PCDH7: variants seen among roughly 807,000 people sequenced by gnomAD.
PCDH7 encodes protocadherin 7.
Under a neutral mutation model 58.9 loss-of-function variants are expected in PCDH7, and 17 were observed. That is an observed-to-expected ratio of 0.29 (90% confidence interval 0.20 to 0.43). PCDH7 has a LOEUF of 0.43. PCDH7 is among the 20% of genes least tolerant of loss of function. The probability of loss-of-function intolerance (pLI) is 1.00; values close to 1 mark genes in which losing one functional copy is unlikely to be tolerated. For missense variants in PCDH7, 1,274 were observed against 1,441.0 expected (o/e 0.88, Z 1.88); for synonymous variants, 664 against 616.4 (o/e 1.08, Z -1.14).
chr4:30,809,127 T>A (rs1199918919), intron 1 of PCDH7, among the ~76,000 whole-genome samples: 2 of 152,214 alleles, frequency 1.3e-5, no homozygotes, highest in Admixed American at 6.5e-5. Flanking sequence ...TACAACCTTT[T>A]AAAAAATCAA....
intron 3 of PCDH7, among the ~76,000 whole-genome samples, chr4:31,113,473 A>G (rs1023701663): frequency 4.6e-5 from 7 of 152,176 alleles, no homozygotes; most frequent in Non-Finnish European, 7.3e-5. Context: ...CATGTTGGTA[A>G]TATTTCCTCC....
chr4:31,112,899 G>A (rs2109313347), intron 3 of PCDH7, among the ~76,000 whole-genome samples: 1 of 152,174 alleles, frequency 6.6e-6, no homozygotes, highest in South Asian at 2.1e-4. Context: ...TATGCTATTT[G>A]GGATAATAGT....
At chr4:30,814,458 A>C (rs1473553462) in intron 1 of PCDH7, among the ~76,000 whole-genome samples, 1 of 152,088 alleles carries the variant, frequency 6.6e-6, no homozygotes, top group Non-Finnish European at 1.5e-5. Flanking sequence ...AATTTTTAAA[A>C]CCATATTAAA....
Position 30,720,589 on chromosome 4 carries a change from C to T in PCDH7, c.-834C>T, listed in dbSNP as rs1158996522. ...TGTTAAGAAAAAAGAGAAACCCGCG[C>T]TCTCCGGGGTGAGAAGGGACTGACT... On this transcript the variant is annotated 5_prime_UTR_variant, in exon 1 of 2. Transcript: ENST00000361762. This position sits in a 1 kb window ranked among gnomAD's most constrained non-coding sequence, Gnocchi z 4.7. 6.6e-6 allele frequency: 1 copy of T among 152,652 alleles called. No homozygotes were observed. Among genetic ancestry groups the T allele is most frequent in the Non-Finnish European group, 1.5e-5 (1 of 68,076 alleles). 9.5% of individuals were successfully genotyped at this position (152,652 alleles called of 1,614,324 possible).
intron 3 of PCDH7, among the ~76,000 whole-genome samples, chr4:31,065,312 G>A (rs1757991144): frequency 6.6e-6 from 1 of 152,018 alleles, no homozygotes; most frequent in Non-Finnish European, 1.5e-5. Flanking sequence ...GGTGGAATGA[G>A]CAGCACTTTA....
Position 30,724,603 on chromosome 4 carries a change from T to A in PCDH7, c.3174+7T>A. ...TAACAAGTACAGCAAACAGGTAAGA[T>A]GTATCCCAAATATATTTAAATATCC... is the stretch of plus-strand genomic sequence containing the variant. On this transcript the variant is annotated splice_region_variant and intron_variant, in intron 1 of 1. Coordinates refer to ENST00000361762, the Ensembl canonical transcript of PCDH7. 2 of 1,613,360 alleles carry A rather than the reference T, an allele frequency of 1.2e-6. No homozygotes were observed. The highest frequency in any genetic ancestry group is 8.5e-7 in the Non-Finnish European group (1 of 1,179,550).
chr4:31,086,474 G>A (rs1217893709), intron 3 of PCDH7, among the ~76,000 whole-genome samples: 3 of 152,002 alleles, frequency 2.0e-5, no homozygotes, highest in Non-Finnish European at 4.4e-5. Context: ...AGATTTGTAG[G>A]CTAAAAAATG....
chr4:30,777,588 A>T (rs1022828594), intron 1 of PCDH7, among the ~76,000 whole-genome samples: 2 of 152,130 alleles, frequency 1.3e-5, no homozygotes, highest in Middle Eastern at 3.2e-3. Context: ...TCAAGTTCAG[A>T]GGTTATTCTC....
intron 1 of PCDH7, among the ~76,000 whole-genome samples, chr4:30,758,957 T>G (rs6857905): frequency 0.28 from 39,898 of 144,590 alleles, 4,951 homozygotes; most frequent in African/African-American, 0.3. Flanking sequence ...TTTTTTTTTT[T>G]TTGTGATACA....
At chr4:30,738,749 A>G (rs1560317168) in intron 1 of PCDH7, among the ~76,000 whole-genome samples, 2 of 152,162 alleles carry the variant, frequency 1.3e-5, no homozygotes, top group Non-Finnish European at 2.9e-5. Context: ...TCAGCATTAA[A>G]ATGAAAAGCA....
rs1157267696 is a variant in PCDH7, at chr4:31,074,784, C to CAAAAAAAAAAAAAAAAA, written c.*8-67682_*8-67666dup. On this transcript the variant is annotated intron_variant, in intron 3 of 3. Coordinates refer to the PCDH7 transcript ENST00000509759. The stretch of plus-strand genomic sequence containing the variant: ...TGGGCTACAGAGGGAGATTCCGTCT[C>CAAAAAAAAAAAAAAAAA]AAAAAAAAAAAAAAAAAAAAAAAGC... 6.6e-3 allele frequency among the ~76,000 whole-genome samples: 345 copies of CAAAAAAAAAAAAAAAAA among 52,464 alleles called. 40 individuals carry two copies. The highest frequency in any genetic ancestry group is 0.019 in the East Asian group (19 of 978). The allele number at this position is 52,464 out of a possible 152,430, so 34.4% of individuals were successfully genotyped here. A position where few individuals can be genotyped will look rare whatever the true frequency, so the allele number is the denominator to read the frequency against.
At chr4:30,907,690 G>A (rs1373873898) in intron 1 of PCDH7, among the ~76,000 whole-genome samples, 1 of 152,134 alleles carries the variant, frequency 6.6e-6, no homozygotes, top group Non-Finnish European at 1.5e-5. Flanking sequence ...AAGACAGTGT[G>A]GCGATTCCTC....
intron 2 of PCDH7, among the ~76,000 whole-genome samples, chr4:30,940,205 A>G (rs997244718): frequency 6.6e-6 from 1 of 152,034 alleles, no homozygotes; most frequent in Non-Finnish European, 1.5e-5. Flanking sequence ...TAGGTTTTAA[A>G]AAGTATTGGT....
chr4:30,951,038 C>A (rs1310165926), intron 3 of PCDH7, among the ~76,000 whole-genome samples: 1 of 152,074 alleles, frequency 6.6e-6, no homozygotes, highest in Non-Finnish European at 1.5e-5. Flanking sequence ...ATGTATCAGG[C>A]TTTGCTTATA....
chr4:30,823,588 G>T (rs182097117), intron 1 of PCDH7, among the ~76,000 whole-genome samples: 4 of 151,898 alleles, frequency 2.6e-5, no homozygotes, highest in Non-Finnish European at 5.9e-5. Flanking sequence ...CTACCTCGGC[G>T]TACAGGGGTC....
rs1334837630 is a variant in PCDH7, at chr4:30,756,440, A to G, written c.70+31844A>G. Among the ~76,000 whole-genome samples, 8 of 152,200 alleles carry G rather than the reference A, an allele frequency of 5.3e-5. No homozygotes were observed. In the East Asian group the frequency reaches 1.5e-3, roughly 29 times the overall value. On this transcript the variant is annotated intron_variant, in intron 1 of 3. Transcript: ENST00000509759. ...AGGAAACTGAGACAAATACAGATTC[A>G]GTAACTTCAGGTCATATACTTAGTA...
At chr4:30,993,435 G>A (rs192425567) in intron 3 of PCDH7, among the ~76,000 whole-genome samples, 1 of 152,090 alleles carries the variant, frequency 6.6e-6, no homozygotes, top group Non-Finnish European at 1.5e-5. Context: ...ATAAACAGAA[G>A]GAGCTTTCAA....
chr4:31,135,067 G>A (rs1230483338), intron 3 of PCDH7, among the ~76,000 whole-genome samples: 1 of 152,090 alleles, frequency 6.6e-6, no homozygotes, highest in African/African-American at 2.4e-5. Context: ...CATAGCTCAT[G>A]CTGAATGGCT....
At chr4:30,732,977 G>A (rs745396401), downstream of PCDH7, 1 of 152,052 alleles carries the variant, frequency 6.6e-6, no homozygotes, top group Non-Finnish European at 1.5e-5. Flanking sequence ...CTTTGAACAC[G>A]TGCCATTGGT....
Sources: gnomAD v4.1 joint callset for allele counts (sites outside exome capture counted in the v4.1 genomes callset) on GRCh38, gnomAD v4.1.1 for gene constraint, Gnocchi (gnomAD v3.1) non-coding constraint, MANE v1.5 for transcripts, NCBI Gene and HGNC (gene_info 2026-07-23, HGNC 2026-07-21) for gene names.